The following AFAP1L2 variants were observed in gnomAD, a reference collection of about 807,000 sequenced individuals.
AFAP1L2 encodes the protein actin filament-associated protein 1-like 2.
In AFAP1L2, 46 loss-of-function variants were observed where a neutral mutation model predicts 99.3. The observed-to-expected ratio is 0.46, with a 90% CI of 0.37 to 0.59. The LOEUF (loss-of-function observed/expected upper bound fraction) is 0.59, where lower values mean the gene tolerates loss of function less well. Ranked by LOEUF, AFAP1L2 falls within the 20% of genes least tolerant of loss-of-function variation. The probability of loss-of-function intolerance (pLI) is 0.00; values close to 1 mark genes in which losing one functional copy is unlikely to be tolerated. For synonymous variants in AFAP1L2, 397 were observed against 419.1 expected, an observed-to-expected ratio of 0.95 and a Z score of 0.64; for missense variants, 959 against 1,034.9, an observed-to-expected ratio of 0.93 and a Z score of 1.01.
At position 114,398,356 on chromosome 10, in the gene AFAP1L2, CTG is replaced by C. The variant is rs554017929; in HGVS notation, c.16+6082_16+6083del. On this transcript the variant is annotated intron_variant, in intron 1 of 18. Transcript: ENST00000304129. ...CATGAAGAATACACAGATGCTATCT[CTG>C]AGAAGCTAGGATGCCTAGAGGCTGA... Among the ~76,000 whole-genome samples, 12 of 152,346 alleles carry C rather than the reference CTG, an allele frequency of 7.9e-5. No individual in the cohort carries two copies. The East Asian group carries it at 2.1e-3, about 27-fold the overall frequency.
downstream of AFAP1L2, among the ~76,000 whole-genome samples, chr10:114,291,666 C>G (rs1278605002): frequency 6.6e-6 from 1 of 152,212 alleles, no homozygotes; most frequent in African/African-American, 2.4e-5. Context: ...CCAGCAGAGG[C>G]CTTTACTAGA....
intron 1 of AFAP1L2, among the ~76,000 whole-genome samples, chr10:114,351,464 A>T (rs1334470): frequency 0.99 from 150,703 of 152,344 alleles, 74,559 homozygotes; most frequent in East Asian, 1. Flanking sequence ...AGCATTGGAC[A>T]GGTGTGCTGG....
intron 1 of AFAP1L2, among the ~76,000 whole-genome samples, chr10:114,404,125 A>T (rs2138614299): frequency 6.6e-6 from 1 of 152,074 alleles, no homozygotes; most frequent in Middle Eastern, 3.4e-3. Flanking sequence ...GTGCGGCGGG[A>T]CTGAGGGTGG....
At chr10:114,386,968 C>A (rs2056579261) in intron 1 of AFAP1L2, among the ~76,000 whole-genome samples, 2 of 152,236 alleles carry the variant, frequency 1.3e-5, no homozygotes, top group Non-Finnish European at 1.5e-5. Context: ...GAATCCCTTA[C>A]TGAGCCTTCA....
In AFAP1L2 at chr10:114,298,221, T is replaced by C. The variant is rs576206069; in HGVS notation, c.2114-808A>G. On this transcript the variant is annotated intron_variant, in intron 16 of 18. Transcript: ENST00000304129. Reference sequence around the variant, plus strand: ...GGTGAAATCCCATCTCTACTAAAAATACAAAAATTAGCTGGACATGGTGGC... The same window carrying C: ...GGTGAAATCCCATCTCTACTAAAAACACAAAAATTAGCTGGACATGGTGGC... Among the ~76,000 whole-genome samples, 4 of 152,082 alleles carry C rather than the reference T, an allele frequency of 2.6e-5. No homozygotes were observed. In the East Asian group the frequency reaches 7.8e-4, roughly 29 times the overall value.
chr10:114,282,869 C>A, the AFAP1L2 span, among the ~76,000 whole-genome samples: 1 of 152,114 alleles, frequency 6.6e-6, no homozygotes, highest in African/African-American at 2.4e-5. Context: ...AAAGCCAGCA[C>A]CAAACTCAGG....
Position 114,402,475 on chromosome 10 carries a change from G to A in AFAP1L2, c.16+1965C>T, listed in dbSNP as rs572697744. ...TCATGAGTCAAACACTGGAATTTGA[G>A]TTGGATTAGCCTCTGAAACCTAGAT... is the stretch of plus-strand genomic sequence containing the variant. On this transcript the variant is annotated intron_variant, in intron 1 of 18. Transcript: ENST00000304129. Among the ~76,000 whole-genome samples the A allele has an allele frequency of 3.7e-4, 56 of 152,260 alleles. 1 individual carries two copies. In the South Asian group the frequency reaches 0.011, roughly 31 times the overall value.
chr10:114,372,040 T>G (rs930519202), intron 1 of AFAP1L2, among the ~76,000 whole-genome samples: 2 of 152,206 alleles, frequency 1.3e-5, no homozygotes, highest in Non-Finnish European at 2.9e-5. Context: ...AGTCACATCT[T>G]GCAGAGACAG....
At chr10:114,327,203 T>G (rs2046505687) in intron 4 of AFAP1L2, among the ~76,000 whole-genome samples, 1 of 110,856 alleles carries the variant, frequency 9.0e-6, no homozygotes, top group Non-Finnish European at 2.1e-5. Flanking sequence ...CTCACTGTGT[T>G]GCCCAGGCTG....
At chr10:114,401,262 C>G (rs2058206905) in intron 1 of AFAP1L2, among the ~76,000 whole-genome samples, 3 of 152,156 alleles carry the variant, frequency 2.0e-5, no homozygotes. Context: ...CAGGAAGCTT[C>G]GGCATGGATG....
intron 4 of AFAP1L2, among the ~76,000 whole-genome samples, chr10:114,323,704 C>G (rs1287519331): frequency 2.0e-5 from 3 of 152,318 alleles, no homozygotes; most frequent in Middle Eastern, 6.8e-3. Flanking sequence ...AAATCCTACA[C>G]TTTTACCATA....
intron 1 of AFAP1L2, among the ~76,000 whole-genome samples, chr10:114,342,071 T>C (rs2048902296): frequency 6.6e-6 from 1 of 152,220 alleles, no homozygotes; most frequent in Non-Finnish European, 1.5e-5. Context: ...TTTTCTACGC[T>C]GGCATACTTC....
Position 114,299,318 on chromosome 10 carries a change from G to A in AFAP1L2, c.2055C>T (p.His685=), listed in dbSNP as rs1333157687. ...GTTTCTCTTTCCGGAGCTGAGCCAG[G>A]TGCCCCCGGATTTCTTCCTTCTTCT... ...LEKKKEEIRG[H]LAQLRKEKRE... The change falls in exon 16 of 19, where the codon CAC becomes CAT. Residue 685 remains histidine (H), a synonymous_variant. Coordinates refer to ENST00000304129, the MANE Select transcript of AFAP1L2 (RefSeq NM_001001936.3). 6.2e-7 allele frequency: 1 copy of A among 1,614,206 alleles called. No individual in the cohort carries two copies. Among genetic ancestry groups the A allele is most frequent in the African/African-American group, 1.3e-5 (1 of 75,044 alleles).
At chr10:114,325,324 G>T (rs1564873865) in intron 4 of AFAP1L2, among the ~76,000 whole-genome samples, 1 of 152,212 alleles carries the variant, frequency 6.6e-6, no homozygotes, top group Non-Finnish European at 1.5e-5. Context: ...TCTGCAGGTT[G>T]CGCAGTGAGG....
chr10:114,395,717 G>A (rs2057632316), intron 1 of AFAP1L2, among the ~76,000 whole-genome samples: 1 of 152,154 alleles, frequency 6.6e-6, no homozygotes, highest in Admixed American at 6.5e-5. Context: ...ACAGATGCCA[G>A]TGTGCCCAGG....
intron 1 of AFAP1L2, among the ~76,000 whole-genome samples, chr10:114,401,372 G>A (rs965125645): frequency 6.6e-6 from 1 of 152,194 alleles, no homozygotes; most frequent in African/African-American, 2.4e-5. Flanking sequence ...ACCACACTGG[G>A]TGAGTTCAGC....
chr10:114,343,362 A>G (rs2049068123), intron 1 of AFAP1L2, among the ~76,000 whole-genome samples: 1 of 152,194 alleles, frequency 6.6e-6, no homozygotes, highest in Admixed American at 6.5e-5. Flanking sequence ...CCAGACCAGC[A>G]TGAGCTCCCC....
At chr10:114,379,699 C>A (rs773584362) in intron 1 of AFAP1L2, among the ~76,000 whole-genome samples, 3 of 152,290 alleles carry the variant, frequency 2.0e-5, no homozygotes, top group East Asian at 3.9e-4. Context: ...CATGGGTTTA[C>A]CCCACATTCT....
intron 1 of AFAP1L2, among the ~76,000 whole-genome samples, chr10:114,369,417 A>G (rs1030576289): frequency 6.6e-6 from 1 of 152,060 alleles, no homozygotes; most frequent in Non-Finnish European, 1.5e-5. Flanking sequence ...AACATGGTGA[A>G]ACCCCGTCTC....
Sources: gnomAD v4.1 joint callset for allele counts (sites outside exome capture counted in the v4.1 genomes callset) on GRCh38, gnomAD v4.1.1 for gene constraint, MANE v1.5 for transcripts, NCBI Gene and HGNC (gene_info 2026-07-23, HGNC 2026-07-21) for gene names.